GEN1: variants seen among roughly 807,000 people sequenced by gnomAD.
The protein encoded by GEN1 is GEN1 structure-specific endonuclease, also known as flap endonuclease GEN homolog 1.
A neutral mutation model predicts 67.6 loss-of-function variants in GEN1; 64 were observed. The ratio of observed to expected loss-of-function variants is 0.95; its 90% confidence interval spans 0.77 to 1.17. GEN1 has a LOEUF of 1.17. GEN1 is among the 50% of genes most tolerant of loss of function. GEN1 has a pLI of 0.00. For synonymous variants in GEN1, 371 were observed against 359.4 expected (o/e 1.03, Z -0.37); for missense variants, 1,058 against 1,048.3 (o/e 1.01, Z -0.13).
chr2:17,780,530 A>T (rs1026535401), intron 13 of GEN1, 91 bp from the exon 14 acceptor site: 3 of 813,872 alleles, frequency 3.7e-6, no homozygotes, highest in African/African-American at 1.8e-5. Context: ...ATTCATAGAG[A>T]TTTCTCTCTG....
rs7369624 is a variant in GEN1 at position 17,778,356 on chromosome 2, A to G, written c.1264+293A>G. On this transcript the variant is annotated intron_variant, in intron 12 of 13. Transcript: ENST00000381254. Reference sequence around the variant, plus strand: ...TATATGTATACACACACATGTGTGTACATATATGTATATACACACACATAT... The same window carrying G: ...TATATGTATACACACACATGTGTGTGCATATATGTATATACACACACATAT... 2.6e-4 allele frequency among the ~76,000 whole-genome samples: 12 copies of G among 46,582 alleles called. 3 individuals are homozygous for G. Among genetic ancestry groups the G allele is most frequent in the Admixed American group, 2.0e-3 (7 of 3,436 alleles). The allele number at this position is 46,582 out of a possible 152,430, so 30.6% of individuals were successfully genotyped here. A position where few individuals can be genotyped will look rare whatever the true frequency, so the allele number is the denominator to read the frequency against.
Position 17,780,758 on chromosome 2 carries a change from A to G in GEN1, c.1546A>G (p.Thr516Ala), listed in dbSNP as rs774454074. Residue 516 changes from threonine to alanine, a missense_variant, in exon 14 of 14, where the codon ACA becomes GCA. Thr to Ala is a moderately conservative substitution (Grantham distance 58, BLOSUM62 0). Coordinates refer to ENST00000381254, the MANE Select transcript of GEN1 (RefSeq NM_001130009.3). ...KLNSGISPDP[T>A]LPQESISASL... is the part of the protein sequence containing the mutation. The stretch of plus-strand genomic sequence containing the variant: ...AAATTCGGGGATTTCCCCTGATCCT[A>G]CATTACCACAGGAATCTATTTCTGC... 9 of 1,613,898 alleles carry G rather than the reference A, an allele frequency of 5.6e-6. No individual in the cohort carries two copies. The highest frequency in any genetic ancestry group is 1.6e-4 in the Middle Eastern group (1 of 6,080).
chr2:17,764,331 C>A (rs1338195962), intron 3 of GEN1, among the ~76,000 whole-genome samples: 2 of 152,132 alleles, frequency 1.3e-5, no homozygotes, highest in African/African-American at 4.8e-5. Context: ...ATTGGGTTGA[C>A]CATCATGTGA....
intron 1 of GEN1, among the ~76,000 whole-genome samples, chr2:17,758,104 T>G (rs1671508382): frequency 6.6e-6 from 1 of 152,242 alleles, no homozygotes; most frequent in South Asian, 2.1e-4. Context: ...TTTACTTAAT[T>G]AGTCCTGTAT....
At position 17,787,174 on chromosome 2, in the gene GEN1, C is replaced by G. The variant is rs1427262597; in HGVS notation, c.*5235C>G. The G allele has an allele frequency of 6.6e-6, 1 of 152,210 alleles. No homozygotes were observed. The highest frequency in any genetic ancestry group is 6.5e-5 in the Admixed American group (1 of 15,284). The allele number at this position is 152,210 out of a possible 1,614,324, so 9.4% of individuals were successfully genotyped here. On this transcript the variant is annotated 3_prime_UTR_variant, in exon 14 of 14. Transcript: ENST00000381254. ...ATAATCCCAAGCAGAATTATTTGCT[C>G]TATACGTGTCCCCAAAGAAATTACC...
At chr2:17,778,426 A>G (rs372763081) in intron 12 of GEN1, among the ~76,000 whole-genome samples, 1 of 91,928 alleles carries the variant, frequency 1.1e-5, no homozygotes, top group Non-Finnish European at 2.2e-5. Context: ...GTGTGTACAT[A>G]TATGTATATA....
intron 6 of GEN1, among the ~76,000 whole-genome samples, chr2:17,770,324 G>T (rs985277119): frequency 6.6e-6 from 1 of 151,998 alleles, no homozygotes; most frequent in Admixed American, 6.6e-5. Context: ...TTTTTGCCGT[G>T]CTATTCTTTA....
Position 17,778,377 on chromosome 2 carries a change from CATAT to C in GEN1, c.1264+317_1264+320del, listed in dbSNP as rs70964011. On this transcript the variant is annotated intron_variant, in intron 12 of 13. Coordinates refer to ENST00000381254, the MANE Select transcript of GEN1 (RefSeq NM_001130009.3). ...GTGTACATATATGTATATACACACA[CATAT>C]ATGTGTGTACATATATGTATATACA... Among the ~76,000 whole-genome samples the C allele has an allele frequency of 8.5e-4, 18 of 21,180 alleles. 3 individuals carry two copies. Among genetic ancestry groups the C allele is most frequent in the Admixed American group, 3.3e-3 (4 of 1,208 alleles). The allele number at this position is 21,180 out of a possible 152,430, so 13.9% of individuals were successfully genotyped here.
chr2:17,764,145 A>G (rs920598451), intron 3 of GEN1, among the ~76,000 whole-genome samples: 1 of 152,238 alleles, frequency 6.6e-6, no homozygotes, highest in African/African-American at 2.4e-5. Flanking sequence ...CAGCAAAATG[A>G]TGTAATCATT....
chr2:17,782,001 G>A lies in GEN1; in HGVS notation c.*62G>A, dbSNP rs1476639175. ...TACTATCAGCAATAGCAGAGACAGA[G>A]GGAAGGTATCTAGTTCATGTGTGGT... On this transcript the variant is annotated 3_prime_UTR_variant, in exon 14 of 14. Coordinates refer to ENST00000381254, the MANE Select transcript of GEN1 (RefSeq NM_001130009.3). 6 of 891,856 alleles carry A rather than the reference G, an allele frequency of 6.7e-6. No homozygotes were observed. The highest frequency in any genetic ancestry group is 1.0e-5 in the Non-Finnish European group (6 of 584,626). The allele number at this position is 891,856 out of a possible 1,614,324, so 55.2% of individuals were successfully genotyped here.
In GEN1 at chr2:17,773,132, G is replaced by C. The variant is rs769299101; in HGVS notation, c.990G>C (p.Glu330Asp). The C allele has an allele frequency of 3.8e-6, 6 of 1,580,656 alleles. No individual in the cohort carries two copies. Among genetic ancestry groups the C allele is most frequent in the Non-Finnish European group, 5.2e-6 (6 of 1,152,924 alleles). ...GTTGTGAGGGATTCCCATTCCATGAGGTAATATCCAGTAATTCAACTCTAT... is the reference window on the plus strand; with the variant it reads ...GTTGTGAGGGATTCCCATTCCATGACGTAATATCCAGTAATTCAACTCTAT... ...ACCCEGFPFH[E>D]VIQEFLLNKD... Residue 330 changes from glutamate to aspartate, a missense_variant and splice_region_variant, in exon 9 of 14, where the codon GAG (glutamate) becomes GAC (aspartate). By Grantham distance (45) the Glu-to-Asp change is conservative (BLOSUM62 2). Coordinates refer to ENST00000381254, the MANE Select transcript of GEN1 (RefSeq NM_001130009.3).
At chr2:17,776,176 A>G (rs906622299) in intron 11 of GEN1, among the ~76,000 whole-genome samples, 1 of 151,972 alleles carries the variant, frequency 6.6e-6, no homozygotes, top group African/African-American at 2.4e-5. Flanking sequence ...GAAACAATCT[A>G]ATGAATCCAA....
intron 12 of GEN1, among the ~76,000 whole-genome samples, chr2:17,778,414 A>G (rs368839064): frequency 0.021 from 556 of 27,118 alleles, 113 homozygotes; most frequent in African/African-American, 0.038. Context: ...ACACACATAT[A>G]TGTGTGTACA....
chr2:17,779,946 A>G (rs753564282), intron 12 of GEN1, 32 bp from the exon 13 acceptor site: 4 of 1,565,386 alleles, frequency 2.6e-6, no homozygotes, highest in Non-Finnish European at 2.6e-6. Context: ...ATGCCTAATT[A>G]AGGACACTTT....
intron 3 of GEN1, among the ~76,000 whole-genome samples, chr2:17,763,143 T>C (rs1671761432): frequency 6.6e-6 from 1 of 150,944 alleles, no homozygotes. Context: ...TTGAATTTGT[T>C]TTTCTTTTTA....
chr2:17,771,071 TATCAGCCACCAAAGGG>T (rs1447568921), intron 6 of GEN1, 109 bp from the exon 7 acceptor site: 3 of 709,970 alleles, frequency 4.2e-6, no homozygotes, highest in Non-Finnish European at 7.6e-6. Flanking sequence ...CCAGCAACTT[TATCAGCCACCAAAGGG>T]AAAATAATTA....
chr2:17,772,963 CA>C, intron 8 of GEN1, 132 bp from the exon 9 acceptor site: 2 of 803,110 alleles, frequency 2.5e-6, no homozygotes, highest in Non-Finnish European at 2.0e-6. Context: ...AATAGTTATT[CA>C]AAGGGAAGCT....
intron 7 of GEN1, 152 bp from the exon 8 acceptor site, chr2:17,772,482 T>C (rs1227510578): frequency 3.8e-6 from 2 of 524,822 alleles, no homozygotes; most frequent in Admixed American, 3.2e-5. Flanking sequence ...TATTACTCTA[T>C]TCATCCTAAA....
In GEN1 at chr2:17,788,111, A is replaced by G. The variant is rs1443587591; in HGVS notation, c.*6172A>G. 1 of 152,248 alleles carries G rather than the reference A, an allele frequency of 6.6e-6. No homozygotes were observed. The allele number at this position is 152,248 out of a possible 1,614,324, so 9.4% of individuals were successfully genotyped here. The stretch of plus-strand genomic sequence containing the variant: ...CAAGATGCTTGCTTTCTGAAGGTGA[A>G]GAGTCTAAATCAACTGCTGTTCCTG... On this transcript the variant is annotated 3_prime_UTR_variant, in exon 14 of 14. Coordinates refer to ENST00000381254, the MANE Select transcript of GEN1 (RefSeq NM_001130009.3).
Sources: gnomAD v4.1 joint callset for allele counts (sites outside exome capture counted in the v4.1 genomes callset) on GRCh38, gnomAD v4.1.1 for gene constraint, MANE v1.5 for transcripts, NCBI Gene and HGNC (gene_info 2026-07-23, HGNC 2026-07-21) for gene names.